CNTN3: variants seen among roughly 807,000 people sequenced by gnomAD.
CNTN3 encodes contactin-3.
A neutral mutation model predicts 119.1 loss-of-function variants in CNTN3; 60 were observed. The ratio of observed to expected loss-of-function variants is 0.50; its 90% CI spans 0.41 to 0.62. The LOEUF is 0.62. Ranked by LOEUF, CNTN3 falls within the 20% of genes least tolerant of loss-of-function variation. The pLI, the probability that CNTN3 is intolerant of heterozygous loss-of-function variation, is 0.00. For missense variants in CNTN3, 1,101 were observed against 1,242.4 expected (o/e 0.89, Z 1.71); for synonymous variants, 450 against 438.7 (o/e 1.03, Z -0.32).
rs1246042977 is a variant in CNTN3, at chr3:74,399,861, CTACTTTT to C, written c.454+24977_454+24983del. On this transcript the variant is annotated intron_variant, in intron 5 of 22. Coordinates refer to ENST00000263665, the MANE Select transcript of CNTN3 (RefSeq NM_020872.3). ...TTCCCAGCCTCTGGTATTCTCTATT[CTACTTTT>C]TACTCACATGGCTGAAAAGTGTTTC... Among the ~76,000 whole-genome samples the C allele has an allele frequency of 6.6e-5, 10 of 152,302 alleles. No individual in the cohort carries two copies. The South Asian group carries it at 2.1e-3, about 32-fold the overall frequency.
intron 4 of CNTN3, among the ~76,000 whole-genome samples, chr3:74,425,271 C>G (rs1056296542): frequency 2.6e-5 from 4 of 152,126 alleles, no homozygotes; most frequent in Admixed American, 2.6e-4. Flanking sequence ...CCAGGGTCCA[C>G]TTTTGTCATC....
intron 1 of CNTN3, among the ~76,000 whole-genome samples, chr3:74,560,985 T>G (rs1230429357): frequency 7.9e-6 from 1 of 126,458 alleles, no homozygotes; most frequent in Non-Finnish European, 1.6e-5. Flanking sequence ...ATGAGAACAC[T>G]TGGACACAGG....
chr3:74,460,429 A>G (rs1239577749), intron 4 of CNTN3, among the ~76,000 whole-genome samples: 1 of 151,874 alleles, frequency 6.6e-6, no homozygotes, highest in East Asian at 1.9e-4. Context: ...ATGTCTCTCC[A>G]TTTATTATAT....
At chr3:74,380,817 C>T (rs147312399) in intron 5 of CNTN3, among the ~76,000 whole-genome samples, 3 of 152,262 alleles carry the variant, frequency 2.0e-5, no homozygotes, top group African/African-American at 7.2e-5. Flanking sequence ...ACTGTCCATT[C>T]CACATTACAT....
intron 1 of CNTN3, among the ~76,000 whole-genome samples, chr3:74,565,130 T>C (rs1428509055): frequency 6.6e-6 from 1 of 152,184 alleles, no homozygotes; most frequent in Non-Finnish European, 1.5e-5. Flanking sequence ...CTATTGCTAC[T>C]ATAACAAGTT....
intron 4 of CNTN3, among the ~76,000 whole-genome samples, chr3:74,473,021 T>G (rs1702592641): frequency 6.6e-6 from 1 of 151,928 alleles, no homozygotes; most frequent in Non-Finnish European, 1.5e-5. Context: ...AAACTTCTCT[T>G]TCCATGTCTA....
At chr3:74,434,425 C>A (rs889014467) in intron 4 of CNTN3, among the ~76,000 whole-genome samples, 1 of 152,132 alleles carries the variant, frequency 6.6e-6, no homozygotes, top group Non-Finnish European at 1.5e-5. Context: ...GCACAGTTCA[C>A]CCCATCTTAA....
At chr3:74,572,052 C>T (rs535486049) in intron 1 of CNTN3, among the ~76,000 whole-genome samples, 1 of 144,794 alleles carries the variant, frequency 6.9e-6, no homozygotes, top group African/African-American at 2.6e-5. Flanking sequence ...AACTGTTTTT[C>T]CAGGTCAAGT....
chr3:74,401,129 C>A (rs1705179459), intron 5 of CNTN3, among the ~76,000 whole-genome samples: 1 of 151,946 alleles, frequency 6.6e-6, no homozygotes, highest in Non-Finnish European at 1.5e-5. Context: ...GTTATATGTG[C>A]CTGGCTACTA....
chr3:74,462,007 T>C (rs1011622016), intron 4 of CNTN3, among the ~76,000 whole-genome samples: 1 of 152,098 alleles, frequency 6.6e-6, no homozygotes, highest in African/African-American at 2.4e-5. Context: ...GAGTTGACTA[T>C]ATTATGAGGA....
chr3:74,582,164 T>C (rs770017391), intron 1 of CNTN3, among the ~76,000 whole-genome samples: 2 of 152,152 alleles, frequency 1.3e-5, no homozygotes, highest in Non-Finnish European at 2.9e-5. Context: ...CCCAGCACTT[T>C]GGGAGGCAGA....
chr3:74,492,709 C>T (rs531569573), intron 3 of CNTN3, among the ~76,000 whole-genome samples: 2 of 152,228 alleles, frequency 1.3e-5, no homozygotes, highest in East Asian at 3.9e-4. Flanking sequence ...ATAAAAATCA[C>T]TGCCTTCCAA....
intron 4 of CNTN3, among the ~76,000 whole-genome samples, chr3:74,469,447 G>C (rs113804835): frequency 8.0e-4 from 122 of 152,258 alleles, no homozygotes; most frequent in African/African-American, 2.8e-3. Flanking sequence ...ACATTTGCAT[G>C]TATCTGACAA....
At chr3:74,608,006 A>G (rs916655580) in intron 1 of CNTN3, among the ~76,000 whole-genome samples, 3 of 152,208 alleles carry the variant, frequency 2.0e-5, no homozygotes, top group Admixed American at 6.6e-5. Context: ...TGCAGGACAG[A>G]TATATACAAT....
intron 13 of CNTN3, among the ~76,000 whole-genome samples, chr3:74,315,249 G>A (rs1702801446): frequency 1.3e-5 from 2 of 152,154 alleles, no homozygotes; most frequent in African/African-American, 4.8e-5. Context: ...GAAATCTCAT[G>A]AATAATCCAT....
chr3:74,362,209 T>A (rs1045467584), intron 10 of CNTN3, among the ~76,000 whole-genome samples, 169 bp from the exon 11 acceptor site: 1 of 152,230 alleles, frequency 6.6e-6, no homozygotes, highest in Non-Finnish European at 1.5e-5. Flanking sequence ...TGTTATTATG[T>A]TTTCTAGCAA....
rs200402351 is a variant in CNTN3 at position 74,288,150 on chromosome 3, TTTTC to T, written c.2518-2663_2518-2660del. On this transcript the variant is annotated intron_variant, in intron 19 of 22. Transcript: ENST00000263665. ...CATATTTGACATCTTTTTTCTTTTC[TTTTC>T]TTTTCTTTTTTTTTTTTTTTTTGAG... Among the ~76,000 whole-genome samples, 45 of 79,862 alleles carry T rather than the reference TTTTC, an allele frequency of 5.6e-4. 2 individuals are homozygous for T. Among genetic ancestry groups the T allele is most frequent in the East Asian group, 9.4e-4 (1 of 1,068 alleles). The allele number at this position is 79,862 out of a possible 152,430, so 52.4% of individuals were successfully genotyped here.
At position 74,583,980 on chromosome 3, in the gene CNTN3, C is replaced by G. The variant is rs183968685; in HGVS notation, c.-81+30411G>C. On this transcript the variant is annotated intron_variant, in intron 1 of 22. Coordinates refer to ENST00000263665, the MANE Select transcript of CNTN3 (RefSeq NM_020872.3). The stretch of plus-strand genomic sequence containing the variant: ...TGACTTTTGAACCAAGGAACTAATT[C>G]TCTCTGAGTCTCAGCTTTTTCATTT... Among the ~76,000 whole-genome samples, 36 of 152,238 alleles carry G rather than the reference C, an allele frequency of 2.4e-4. No individual in the cohort carries two copies. The East Asian group carries it at 7.0e-3, about 29-fold the overall frequency.
intron 2 of CNTN3, among the ~76,000 whole-genome samples, chr3:74,508,626 T>C (rs1703308058): frequency 6.6e-6 from 1 of 151,684 alleles, no homozygotes; most frequent in African/African-American, 2.4e-5. Flanking sequence ...ATAATATTAA[T>C]CCTTACTGCA....
Sources: allele counts gnomAD v4.1 joint callset (sites outside exome capture counted in the v4.1 genomes callset), GRCh38; gene constraint gnomAD v4.1.1; transcripts MANE v1.5; gene names NCBI Gene and HGNC (gene_info 2026-07-23, HGNC 2026-07-21).